MRC1: variants seen among roughly 807,000 people sequenced by gnomAD.
MRC1 encodes the protein macrophage mannose receptor 1.
A neutral mutation model predicts 102.9 loss-of-function variants in MRC1; 62 were observed. That is an observed-to-expected ratio of 0.60 (90% CI 0.49 to 0.74). The LOEUF (loss-of-function observed/expected upper bound fraction) is 0.74. Among genes scored for constraint, MRC1 ranks in the 30% least tolerant of loss-of-function variants. MRC1 has a pLI of 0.00. For synonymous variants in MRC1, 457 were observed against 298.4 expected (o/e 1.53, Z -5.48); for missense variants, 1,237 against 862.8 (o/e 1.43, Z -5.43).
At chr10:17,829,425 G>T (rs1039327315) in intron 3 of MRC1, among the ~76,000 whole-genome samples, 3 of 151,238 alleles carry the variant, frequency 2.0e-5, no homozygotes, top group Admixed American at 2.0e-4. Context: ...TCTCCAATCC[G>T]AATGAATACT....
At chr10:17,903,882 G>A (rs535649483) in intron 26 of MRC1, among the ~76,000 whole-genome samples, 1 of 152,172 alleles carries the variant, frequency 6.6e-6, no homozygotes, top group Admixed American at 6.5e-5. Context: ...CTTGAACCCA[G>A]GAGGTGGAGG....
chr10:17,875,889 A>C (rs935947675), intron 17 of MRC1, among the ~76,000 whole-genome samples: 17 of 152,338 alleles, frequency 1.1e-4, no homozygotes, highest in Admixed American at 3.9e-4. Flanking sequence ...CCAACAATGT[A>C]AAAATGTTTC....
chr10:17,908,688 C>A (rs1293671649), intron 28 of MRC1, among the ~76,000 whole-genome samples: 1 of 152,182 alleles, frequency 6.6e-6, no homozygotes, highest in Admixed American at 6.5e-5. Context: ...CCTGCCTCAG[C>A]CTCCCAAGTA....
chr10:17,910,486 A>T lies in MRC1; in HGVS notation c.*21A>T. The T allele has an allele frequency of 1.3e-6, 1 of 780,290 alleles. No homozygotes were observed. Among genetic ancestry groups the T allele is most frequent in the Non-Finnish European group, 2.4e-6 (1 of 417,816 alleles). The allele number at this position is 780,290 out of a possible 1,614,324, so 48.3% of individuals were successfully genotyped here. ...TCTAGTACCTCAATGCGATTCTGAGATATTTGAATTTCATAAAATTGTAAC... is the reference window on the plus strand; with the variant it reads ...TCTAGTACCTCAATGCGATTCTGAGTTATTTGAATTTCATAAAATTGTAAC... On this transcript the variant is annotated 3_prime_UTR_variant, in exon 30 of 30. Coordinates refer to ENST00000569591, the MANE Select transcript of MRC1 (RefSeq NM_002438.4).
intron 18 of MRC1, among the ~76,000 whole-genome samples, chr10:17,879,298 C>G (rs1399661825): frequency 6.6e-6 from 1 of 152,188 alleles, no homozygotes; most frequent in Non-Finnish European, 1.5e-5. Context: ...TCCTGCCACT[C>G]TCTGGAGGTC....
chr10:17,907,724 G>T, intron 28 of MRC1, 26 bp downstream of exon 28: 1 of 780,326 alleles, frequency 1.3e-6, no homozygotes. Flanking sequence ...GTTGCATGGT[G>T]CATATCACTG....
intron 8 of MRC1, among the ~76,000 whole-genome samples, chr10:17,853,465 C>T (rs995024758): frequency 2.0e-5 from 3 of 151,736 alleles, no homozygotes; most frequent in Non-Finnish European, 4.4e-5. Context: ...TCCACCAAAG[C>T]TCTCATCTGA....
intron 8 of MRC1, among the ~76,000 whole-genome samples, chr10:17,854,414 A>C (rs939491455): frequency 6.6e-6 from 1 of 152,220 alleles, no homozygotes; most frequent in Non-Finnish European, 1.5e-5. Context: ...TTAAGAACAT[A>C]TTAGGTGTTA....
intron 26 of MRC1, among the ~76,000 whole-genome samples, chr10:17,903,192 CTA>C (rs1345144616): frequency 1.3e-5 from 2 of 151,746 alleles, no homozygotes; most frequent in African/African-American, 4.8e-5. Flanking sequence ...CTCTGCCAGT[CTA>C]TGTTTTTTGA....
chr10:17,812,806 C>G (rs1054431956), intron 1 of MRC1, among the ~76,000 whole-genome samples: 1 of 151,948 alleles, frequency 6.6e-6, no homozygotes, highest in Non-Finnish European at 1.5e-5. Context: ...CTCCTGACCT[C>G]GTGATCTGCC....
chr10:17,871,216 C>T (rs1223962529), intron 14 of MRC1, among the ~76,000 whole-genome samples: 12 of 152,102 alleles, frequency 7.9e-5, no homozygotes, highest in East Asian at 1.9e-4. Context: ...GATTCTGGCA[C>T]GTGCTGGCAA....
At chr10:17,836,325 A>G (rs1329321840) in intron 4 of MRC1, among the ~76,000 whole-genome samples, 2 of 152,194 alleles carry the variant, frequency 1.3e-5, no homozygotes, top group Admixed American at 6.5e-5. Flanking sequence ...TGTCTGCTCA[A>G]TTATTCTGTT....
At chr10:17,898,733 T>C (rs1485248028) in intron 24 of MRC1, among the ~76,000 whole-genome samples, 2 of 152,170 alleles carry the variant, frequency 1.3e-5, no homozygotes, top group Non-Finnish European at 2.9e-5. Flanking sequence ...AAATATTTCA[T>C]TGCAGTCAGT....
chr10:17,904,863 T>C (rs1475675446), intron 26 of MRC1, among the ~76,000 whole-genome samples: 1 of 152,194 alleles, frequency 6.6e-6, no homozygotes, highest in Non-Finnish European at 1.5e-5. Context: ...CAATGCTTTT[T>C]AAAGTCTCCT....
Position 17,870,312 on chromosome 10 carries a change from G to A in MRC1, c.2050G>A (p.Gly684Ser). 1 of 780,442 alleles carries A rather than the reference G, an allele frequency of 1.3e-6. No homozygotes were observed. 48.3% of individuals were successfully genotyped at this position (780,442 alleles called of 1,614,324 possible). The change falls in exon 13 of 30, where the codon GGT becomes AGT. Residue 684 changes from glycine (G) to serine (S), a missense_variant. By Grantham distance (56) the Gly-to-Ser change is moderately conservative. Coordinates refer to ENST00000569591, the MANE Select transcript of MRC1 (RefSeq NM_002438.4). ...ATCTCGAGATTTTTGTCGAGCTCTG[G>A]GTGGAGACTTAGCTAGCATCAATAA... ...FESRDFCRAL[G>S]GDLASINNKE...
At chr10:17,813,624 C>A (rs1003072942) in intron 1 of MRC1, among the ~76,000 whole-genome samples, 8 of 145,276 alleles carry the variant, frequency 5.5e-5, no homozygotes, top group Non-Finnish European at 1.2e-4. Flanking sequence ...GAACATAGGG[C>A]TAGATTTTAT....
intron 1 of MRC1, among the ~76,000 whole-genome samples, chr10:17,816,067 G>A (rs1403139076): frequency 2.6e-5 from 4 of 152,166 alleles, no homozygotes; most frequent in Non-Finnish European, 4.4e-5. Flanking sequence ...CAGGTGATCC[G>A]CCTGCCTTGG....
chr10:17,817,640 A>C (rs1838333047), intron 1 of MRC1, among the ~76,000 whole-genome samples: 1 of 152,160 alleles, frequency 6.6e-6, no homozygotes, highest in African/African-American at 2.4e-5. Flanking sequence ...TCTGGATATA[A>C]ATTTCTGATG....
chr10:17,809,448 A>G lies in MRC1; in HGVS notation c.-18A>G. 1.1e-6 allele frequency: 1 copy of G among 872,690 alleles called. No homozygotes were observed. Among genetic ancestry groups the G allele is most frequent in the Non-Finnish European group, 2.0e-6 (1 of 501,480 alleles). 54.1% of individuals were successfully genotyped at this position (872,690 alleles called of 1,614,324 possible). A position where few individuals can be genotyped will look rare whatever the true frequency, so the allele number is the denominator to read the frequency against. On this transcript the variant is annotated 5_prime_UTR_variant, in exon 1 of 30. Coordinates refer to ENST00000569591, the MANE Select transcript of MRC1 (RefSeq NM_002438.4). ...GCCCTCCTGTCCATCAGGAGAAGGA[A>G]AGGATAAACCCTGGGCCATGAGGCT...
Sources: allele counts gnomAD v4.1 joint callset (sites outside exome capture counted in the v4.1 genomes callset), GRCh38; gene constraint gnomAD v4.1.1; transcripts MANE v1.5; gene names NCBI Gene and HGNC (gene_info 2026-07-23, HGNC 2026-07-21).